NREP: variants seen among roughly 807,000 people sequenced by gnomAD.
NREP encodes neuronal regeneration related protein, also known as neuronal regeneration-related protein.
A neutral mutation model predicts 8.6 loss-of-function variants in NREP; 5 were observed. The observed-to-expected ratio is 0.58, with a 90% CI of 0.30 to 1.22. The LOEUF (loss-of-function observed/expected upper bound fraction) is 1.22. Ranked by LOEUF, NREP falls within the 50% of genes most tolerant of loss-of-function variation. The probability of loss-of-function intolerance (pLI) is 0.07; values close to 1 mark genes in which losing one functional copy is unlikely to be tolerated. For missense variants in NREP, 86 were observed against 82.5 expected, an observed-to-expected ratio of 1.04 and a Z score of -0.17; for synonymous variants, 27 against 28.0, an observed-to-expected ratio of 0.96 and a Z score of 0.11.
intron 2 of NREP, among the ~76,000 whole-genome samples, chr5:111,857,385 C>G (rs1380617243): frequency 6.6e-6 from 1 of 152,208 alleles, no homozygotes; most frequent in South Asian, 2.1e-4. Flanking sequence ...GTTCTTCAGC[C>G]CACATGATGG....
chr5:111,794,969 A>G (rs968382842), intron 2 of NREP, among the ~76,000 whole-genome samples: 1 of 147,538 alleles, frequency 6.8e-6, no homozygotes, highest in African/African-American at 2.5e-5. Flanking sequence ...CTGCCTCTTC[A>G]TTTTGCTGTG....
chr5:111,910,645 T>C (rs1754886880), intron 2 of NREP, among the ~76,000 whole-genome samples: 1 of 151,946 alleles, frequency 6.6e-6, no homozygotes, highest in South Asian at 2.1e-4. Context: ...TTGGGCACTA[T>C]CAAAGCACCA....
Position 111,752,735 on chromosome 5 carries a change from C to T in NREP, c.3+3035G>A, listed in dbSNP as rs1349231401. The stretch of plus-strand genomic sequence containing the variant: ...TCCAATTCCTAGGTCTCTGTTAAAA[C>T]ATAATGAACTCATGCTTACGTCACT... On this transcript the variant is annotated intron_variant, in intron 2 of 3. Coordinates refer to ENST00000257435, the MANE Select transcript of NREP (RefSeq NM_004772.4). Among the ~76,000 whole-genome samples, 3 of 152,290 alleles carry T rather than the reference C, an allele frequency of 2.0e-5. No individual in the cohort carries two copies. In the East Asian group the frequency reaches 5.8e-4, roughly 29 times the overall value.
rs1410356144 is a variant in NREP at position 111,894,657 on chromosome 5, C to T, written c.135+80617G>A. ...ACCTACTGATTCAAAGCAACAAAGACCTTGGTCCAGCTCTTTACTGTACCT... is the reference window on the plus strand; with the variant it reads ...ACCTACTGATTCAAAGCAACAAAGATCTTGGTCCAGCTCTTTACTGTACCT... On this transcript the variant is annotated intron_variant, in intron 2 of 3. Coordinates refer to the NREP transcript ENST00000395634. 2.0e-5 allele frequency among the ~76,000 whole-genome samples: 3 copies of T among 152,150 alleles called. No individual in the cohort carries two copies. The East Asian group carries it at 5.8e-4, about 29-fold the overall frequency.
chr5:111,859,697 C>T (rs1234264992), intron 2 of NREP, among the ~76,000 whole-genome samples: 4 of 152,084 alleles, frequency 2.6e-5, no homozygotes, highest in Non-Finnish European at 4.4e-5. Context: ...TCAAGCCCGG[C>T]CATGCTGAAA....
intron 2 of NREP, among the ~76,000 whole-genome samples, chr5:111,746,859 A>G (rs2112829515): frequency 6.6e-6 from 1 of 152,298 alleles, no homozygotes; most frequent in Non-Finnish European, 1.5e-5. Flanking sequence ...AAATTCCGAT[A>G]TTGCATGCTT....
At chr5:111,746,968 T>C (rs1750046716) in intron 2 of NREP, among the ~76,000 whole-genome samples, 1 of 152,156 alleles carries the variant, frequency 6.6e-6, no homozygotes, top group South Asian at 2.1e-4. Flanking sequence ...TGTTCAACCA[T>C]GTGCTGCCTA....
chr5:111,924,733 G>A (rs1755337519), intron 2 of NREP, among the ~76,000 whole-genome samples: 1 of 152,054 alleles, frequency 6.6e-6, no homozygotes, highest in Non-Finnish European at 1.5e-5. Flanking sequence ...TGGCTTTAGG[G>A]GATATTTTCT....
At position 111,902,195 on chromosome 5, in the gene NREP, G is replaced by A. The variant is rs79611216; in HGVS notation, c.135+73079C>T. ...ACAAAGACACCAAGAACATACATTG[G>A]AGTAAGGACCCTCTCTTAAATAAAT... On this transcript the variant is annotated intron_variant, in intron 2 of 3. Transcript: ENST00000395634. Among the ~76,000 whole-genome samples the A allele has an allele frequency of 5.2e-3, 791 of 152,138 alleles. 11 individuals carry two copies. Among genetic ancestry groups the A allele is most frequent in the African/African-American group, 0.018 (757 of 41,518 alleles).
chr5:111,828,193 G>A (rs1360843032), intron 2 of NREP, among the ~76,000 whole-genome samples: 3 of 152,080 alleles, frequency 2.0e-5, no homozygotes, highest in Non-Finnish European at 4.4e-5. Context: ...ATCATGCCCA[G>A]CTAATTTTAT....
intron 2 of NREP, among the ~76,000 whole-genome samples, chr5:111,778,471 G>A (rs1751414524): frequency 1.3e-5 from 2 of 152,040 alleles, no homozygotes; most frequent in Admixed American, 6.6e-5. Flanking sequence ...TCTAAACCAT[G>A]TCCTTTTTGT....
At chr5:111,779,910 T>G (rs1306200253) in intron 2 of NREP, among the ~76,000 whole-genome samples, 1 of 152,208 alleles carries the variant, frequency 6.6e-6, no homozygotes, top group African/African-American at 2.4e-5. Context: ...TATTTTTATT[T>G]TTGCCTCAGA....
At chr5:111,808,061 T>A (rs1443011859) in intron 2 of NREP, among the ~76,000 whole-genome samples, 3 of 152,210 alleles carry the variant, frequency 2.0e-5, no homozygotes, top group African/African-American at 7.2e-5. Flanking sequence ...TCTGTAGTCT[T>A]TTGCGTCTGG....
intron 2 of NREP, among the ~76,000 whole-genome samples, chr5:111,831,320 G>T (rs569140212): frequency 6.6e-6 from 1 of 152,184 alleles, no homozygotes; most frequent in African/African-American, 2.4e-5. Context: ...CACAGTTTCT[G>T]GTGTTAATTG....
intron 3 of NREP, chr5:111,732,800 A>G (rs1376371396): frequency 2.0e-5 from 3 of 151,962 alleles, no homozygotes; most frequent in South Asian, 2.1e-4. Context: ...GGACAAATGA[A>G]GAGTTCAATG....
chr5:111,741,231 T>A (rs900985544), intron 2 of NREP, among the ~76,000 whole-genome samples: 1 of 152,202 alleles, frequency 6.6e-6, no homozygotes, highest in Admixed American at 6.5e-5. Flanking sequence ...CAATTCTTTC[T>A]GCAGCAAAGG....
At chr5:111,757,590 G>C (rs929034325), upstream of NREP, 1 of 983,960 alleles carries the variant, frequency 1.0e-6, no homozygotes, top group Non-Finnish European at 1.2e-6. Context: ...TCTGGGCCCC[G>C]TCGGCGAGCG....
chr5:111,754,872 C>A (rs1750602186), intron 2 of NREP, among the ~76,000 whole-genome samples: 2 of 152,160 alleles, frequency 1.3e-5, no homozygotes, highest in Admixed American at 6.5e-5. Flanking sequence ...AATTTTGATT[C>A]ATTAAATTCC....
Position 111,730,878 on chromosome 5 carries a change from C to T in NREP, c.*43G>A. On this transcript the variant is annotated 3_prime_UTR_variant, in exon 4 of 4. Transcript: ENST00000257435. ...CCCATATATGATACCATGACCTCAT[C>T]AATACCCATACACCATATGTAATAC... The T allele has an allele frequency of 6.2e-7, 1 of 1,607,350 alleles. No individual in the cohort carries two copies. The highest frequency in any genetic ancestry group is 8.5e-7 in the Non-Finnish European group (1 of 1,175,094).
Sources: gnomAD v4.1 joint callset for allele counts (sites outside exome capture counted in the v4.1 genomes callset) on GRCh38, gnomAD v4.1.1 for gene constraint, MANE v1.5 for transcripts, NCBI Gene and HGNC (gene_info 2026-07-23, HGNC 2026-07-21) for gene names.